MICU2: variants seen among roughly 807,000 people sequenced by gnomAD.
MICU2 encodes calcium uptake protein 2, mitochondrial.
In MICU2, 64 loss-of-function variants were observed where a neutral mutation model predicts 60.4. The ratio of observed to expected loss-of-function variants is 1.06; its 90% CI spans 0.87 to 1.31. The LOEUF (loss-of-function observed/expected upper bound fraction) is 1.31, where lower values mean the gene tolerates loss of function less well. Among genes scored for constraint, MICU2 ranks in the 50% most tolerant of loss-of-function variants. The probability of loss-of-function intolerance (pLI) is 0.00; values close to 1 mark genes in which losing one functional copy is unlikely to be tolerated. For synonymous variants in MICU2, 201 were observed against 175.0 expected, an observed-to-expected ratio of 1.15 and a Z score of -1.17; for missense variants, 569 against 531.0, an observed-to-expected ratio of 1.07 and a Z score of -0.70.
At chr13:21,537,701 C>T (rs1593332667) in intron 4 of MICU2, among the ~76,000 whole-genome samples, 1 of 152,188 alleles carries the variant, frequency 6.6e-6, no homozygotes, top group African/African-American at 2.4e-5. Flanking sequence ...AAACTCTGTA[C>T]CTCAGGTGAT....
intron 1 of MICU2, among the ~76,000 whole-genome samples, chr13:21,573,157 A>C (rs916131950): frequency 1.3e-5 from 2 of 152,382 alleles, no homozygotes; most frequent in Non-Finnish European, 2.9e-5. Context: ...GTGGAGACGT[A>C]GTCTTTCAGA....
At chr13:21,566,972 G>T in intron 1 of MICU2, 28 bp from the exon 2 acceptor site, 1 of 1,572,940 alleles carries the variant, frequency 6.4e-7, no homozygotes, top group South Asian at 1.2e-5. Flanking sequence ...TGCAATTGAA[G>T]ATTTTTTCAG....
chr13:21,512,436 AAATTTTT>A (rs1346622798), intron 7 of MICU2, among the ~76,000 whole-genome samples: 1 of 149,672 alleles, frequency 6.7e-6, no homozygotes, highest in Non-Finnish European at 1.5e-5. Context: ...TGATGAACAC[AAATTTTT>A]AATTTTTTTT....
At chr13:21,494,001 A>G (rs1354154322) in intron 11 of MICU2, among the ~76,000 whole-genome samples, 1 of 152,054 alleles carries the variant, frequency 6.6e-6, no homozygotes, top group Non-Finnish European at 1.5e-5. Context: ...CAGATTATAT[A>G]TGTTCTTTTT....
intron 2 of MICU2, among the ~76,000 whole-genome samples, chr13:21,541,510 T>C (rs1887282748): frequency 6.6e-6 from 1 of 152,194 alleles, no homozygotes; most frequent in Non-Finnish European, 1.5e-5. Flanking sequence ...ATTTAAATAT[T>C]TGTTGAATGA....
chr13:21,501,217 C>G (rs1271007784), intron 9 of MICU2, among the ~76,000 whole-genome samples: 1 of 151,960 alleles, frequency 6.6e-6, no homozygotes, highest in Non-Finnish European at 1.5e-5. Flanking sequence ...GTTTTAGTTA[C>G]CAAGGTTTGA....
At chr13:21,504,122 T>C (rs144118533) in intron 8 of MICU2, among the ~76,000 whole-genome samples, 21 of 152,252 alleles carry the variant, frequency 1.4e-4, no homozygotes, top group African/African-American at 5.1e-4. Flanking sequence ...ATCAATGCCA[T>C]GTTTCTTTCT....
Position 21,499,530 on chromosome 13 carries a change from C to G in MICU2, c.934-3370G>C, listed in dbSNP as rs569732875. 4.4e-3 allele frequency among the ~76,000 whole-genome samples: 670 copies of G among 152,034 alleles called. 6 individuals carry two copies. The highest frequency in any genetic ancestry group is 2.4e-3 in the Non-Finnish European group (160 of 67,980). The stretch of plus-strand genomic sequence containing the variant: ...GTTCACACCAATTCTCCTGCCTCTG[C>G]CTCCCGAGTAGCTGGGACTACAGGC... On this transcript the variant is annotated intron_variant, in intron 9 of 11. Transcript: ENST00000382374.
intron 2 of MICU2, among the ~76,000 whole-genome samples, chr13:21,556,424 T>G (rs950056983): frequency 2.0e-5 from 3 of 152,328 alleles, no homozygotes; most frequent in African/African-American, 7.2e-5. Context: ...CTCAGTCCTT[T>G]GACTTATCTT....
chr13:21,538,256 C>T (rs1163871656), intron 4 of MICU2, among the ~76,000 whole-genome samples: 2 of 151,856 alleles, frequency 1.3e-5, no homozygotes, highest in Non-Finnish European at 2.9e-5. Flanking sequence ...ATGCATTCAA[C>T]CAACCGTGTA....
At chr13:21,562,161 G>T (rs1266960598) in intron 2 of MICU2, among the ~76,000 whole-genome samples, 1 of 151,704 alleles carries the variant, frequency 6.6e-6, no homozygotes, top group Non-Finnish European at 1.5e-5. Flanking sequence ...GAATAGTGCC[G>T]CAATCAACAT....
chr13:21,603,671 G>A (rs1039429482), intron 1 of MICU2: 11 of 534,742 alleles, frequency 2.1e-5, no homozygotes, highest in Non-Finnish European at 3.3e-5. Context: ...AGTGCGGCCA[G>A]TTTTGTGGGC....
At chr13:21,518,523 C>T (rs1380978959) in intron 6 of MICU2, among the ~76,000 whole-genome samples, 1 of 152,162 alleles carries the variant, frequency 6.6e-6, no homozygotes, top group African/African-American at 2.4e-5. Flanking sequence ...GATGTGTGTA[C>T]AGTGGGTCCA....
chr13:21,589,295 A>T (rs1888523100), intron 1 of MICU2, among the ~76,000 whole-genome samples: 1 of 152,194 alleles, frequency 6.6e-6, no homozygotes, highest in African/African-American at 2.4e-5. Flanking sequence ...TCACAGCCGT[A>T]ATGGGTGTAC....
chr13:21,532,476 G>A (rs1049686560), intron 4 of MICU2, among the ~76,000 whole-genome samples: 16 of 152,008 alleles, frequency 1.1e-4, no homozygotes, highest in Admixed American at 9.2e-4. Flanking sequence ...TATCTCTCAC[G>A]AGATAGAGAA....
chr13:21,569,497 C>A (rs1189186061), intron 1 of MICU2, among the ~76,000 whole-genome samples: 1 of 152,030 alleles, frequency 6.6e-6, no homozygotes, highest in Non-Finnish European at 1.5e-5. Flanking sequence ...AGGAAGCCCC[C>A]AAGTCACCAT....
Position 21,574,363 on chromosome 13 carries a change from A to T in MICU2, c.211-7419T>A, listed in dbSNP as rs193253010. Among the ~76,000 whole-genome samples the T allele has an allele frequency of 3.2e-3, 493 of 152,364 alleles. 3 individuals carry two copies. Among genetic ancestry groups the T allele is most frequent in the African/African-American group, 0.011 (478 of 41,596 alleles). ...GAGAACCATCCACATGGTTCTAGTT[A>T]TATATAAAATGCTCCATGGATTTCA... is the stretch of plus-strand genomic sequence containing the variant. On this transcript the variant is annotated intron_variant, in intron 1 of 11. Transcript: ENST00000382374.
intron 3 of MICU2, 24 bp from the exon 4 acceptor site, chr13:21,539,401 A>C: frequency 6.3e-7 from 1 of 1,597,970 alleles, no homozygotes; most frequent in East Asian, 2.2e-5. Context: ...TATTAAAATT[A>C]AACTTCTAAA....
intron 1 of MICU2, among the ~76,000 whole-genome samples, chr13:21,573,502 G>A (rs1227450365): frequency 6.6e-6 from 1 of 152,138 alleles, no homozygotes; most frequent in Admixed American, 6.5e-5. Flanking sequence ...TTGATCTCCT[G>A]AGCTAGTGAT....
Sources: allele counts gnomAD v4.1 joint callset (sites outside exome capture counted in the v4.1 genomes callset), GRCh38; gene constraint gnomAD v4.1.1; transcripts MANE v1.5; gene names NCBI Gene and HGNC (gene_info 2026-07-23, HGNC 2026-07-21).